Variants in SAMD11 observed in about 807,000 individuals in gnomAD.
SAMD11 encodes sterile alpha motif domain containing 11, also known as sterile alpha motif domain-containing protein 11.
In SAMD11, 77 loss-of-function variants were observed where a neutral mutation model predicts 64.4. The ratio of observed to expected loss-of-function variants is 1.20; its 90% CI spans 0.99 to 1.44. The LOEUF (loss-of-function observed/expected upper bound fraction) is 1.44. SAMD11 is among the 40% of genes most tolerant of loss of function. The pLI, the probability that SAMD11 is intolerant of heterozygous loss-of-function variation, is 0.00. For missense variants in SAMD11, 1,402 were observed against 943.3 expected (o/e 1.49, Z -6.37); for synonymous variants, 658 against 421.9 (o/e 1.56, Z -6.86).
chr1:931,142 C>CTCCT (rs1641150462), intron 4 of SAMD11, 53 bp downstream of exon 4: 2 of 1,417,164 alleles, frequency 1.4e-6, no homozygotes, highest in South Asian at 1.2e-5. Context: ...CCCTCCCTCC[C>CTCCT]TCCCACCCCT....
Position 942,734 on chromosome 1 carries a change from G to A in SAMD11, c.1729G>A (p.Gly577Arg). 6.8e-7 allele frequency: 1 copy of A among 1,474,832 alleles called. No homozygotes were observed. The highest frequency in any genetic ancestry group is 8.9e-7 in the Non-Finnish European group (1 of 1,122,386). The allele number at this position is 1,474,832 out of a possible 1,614,324, so 91.4% of individuals were successfully genotyped here. Reference protein sequence around the residue: ...AAPLLALPPQGPPGSGPPTPS... With the variant: ...AAPLLALPPQRPPGSGPPTPS... The stretch of plus-strand genomic sequence containing the variant: ...GCCACTGCTGGCCCTGCCCCCCCAG[G>A]GGCCCCCGGGCTCCGGACCCCCCAC... Residue 577 changes from glycine to arginine, a missense_variant, in exon 11 of 14, where the codon GGG (glycine) becomes AGG (arginine). Gly to Arg is a moderately radical substitution (Grantham distance 125). Transcript: ENST00000616016.
At chr1:928,159 C>A (rs564895267) in intron 2 of SAMD11, among the ~76,000 whole-genome samples, 16 of 151,452 alleles carry the variant, frequency 1.1e-4, no homozygotes, top group African/African-American at 3.6e-4. Flanking sequence ...TTTGGGAGGC[C>A]GAGGCGGGCG....
chr1:930,440 C>T, intron 3 of SAMD11, 104 bp downstream of exon 3: 2 of 1,267,996 alleles, frequency 1.6e-6, no homozygotes, highest in Non-Finnish European at 2.2e-6. Context: ...CCTCCCACAC[C>T]TTCCCTCAGA....
intron 5 of SAMD11, among the ~76,000 whole-genome samples, 186 bp from the exon 6 acceptor site, chr1:938,854 G>T (rs1412865962): frequency 6.6e-6 from 1 of 152,150 alleles, no homozygotes; most frequent in East Asian, 1.9e-4. Context: ...CCCCTGTCCC[G>T]CCACAGCCAG....
intron 2 of SAMD11, among the ~76,000 whole-genome samples, chr1:927,324 G>A (rs973852026): frequency 3.9e-5 from 6 of 152,164 alleles, no homozygotes; most frequent in Non-Finnish European, 8.8e-5. Context: ...GGATTTGAGC[G>A]GCCCCCTTGA....
Position 930,353 on chromosome 1 carries a change from C to A in SAMD11, c.791+17C>A. The stretch of plus-strand genomic sequence containing the variant: ...GAAGAGAAGGTACTTGGACCAGGGC[C>A]GGACAGGAAGGCGCAAGGCTCAGAT... On this transcript the variant is annotated intron_variant, in intron 3 of 13. Coordinates refer to ENST00000616016, the MANE Select transcript of SAMD11 (RefSeq NM_001385641.1). 6.3e-7 allele frequency: 1 copy of A among 1,587,970 alleles called. No homozygotes were observed. The highest frequency in any genetic ancestry group is 1.1e-5 in the South Asian group (1 of 87,422).
chr1:927,019 C>A (rs1569860905), intron 2 of SAMD11, among the ~76,000 whole-genome samples: 2 of 152,292 alleles, frequency 1.3e-5, no homozygotes, highest in East Asian at 1.9e-4. Context: ...AGCTGGGCGG[C>A]TGCAGACACA....
chr1:925,690 G>A (rs1315997787), intron 1 of SAMD11: 4 of 473,008 alleles, frequency 8.5e-6, no homozygotes, highest in Non-Finnish European at 1.5e-5. Context: ...GGGACGCCCA[G>A]GCCCTTCGTC....
intron 12 of SAMD11, 104 bp downstream of exon 12, chr1:943,481 C>A: frequency 8.9e-7 from 1 of 1,122,830 alleles, no homozygotes; most frequent in Non-Finnish European, 1.3e-6. Context: ...CGCCCTCTCC[C>A]TCCCCAAAAG....
At chr1:926,071 T>C (rs1394768997) in intron 2 of SAMD11, 58 bp downstream of exon 2, 1 of 1,545,192 alleles carries the variant, frequency 6.5e-7, no homozygotes, top group Admixed American at 1.7e-5. Flanking sequence ...AGCTTGTCCC[T>C]GCGGTTTTCA....
intron 7 of SAMD11, chr1:940,451 C>G (rs1049320921): frequency 6.6e-6 from 1 of 152,056 alleles, no homozygotes; most frequent in South Asian, 2.1e-4. Flanking sequence ...CGGGACCCAC[C>G]TCCGCTTTCG....
chr1:939,342 G>A lies in SAMD11; in HGVS notation c.1125G>A (p.Val375=). 1 of 1,612,262 alleles carries A rather than the reference G, an allele frequency of 6.2e-7. No individual in the cohort carries two copies. Among genetic ancestry groups the A allele is most frequent in the Non-Finnish European group, 8.5e-7 (1 of 1,179,808 alleles). The change falls in exon 7 of 14, where the codon GTG becomes GTA. Residue 375 remains valine (V), a synonymous_variant. Transcript: ENST00000616016. ...MAPEDHYRRL[V]SALSEASTFE... is the part of the protein sequence containing the mutation. ...CGGAGGACCATTACCGCCGGCTTGTGTCAGCACTGAGCGAGGCCAGCACCT... is the reference window on the plus strand; with the variant it reads ...CGGAGGACCATTACCGCCGGCTTGTATCAGCACTGAGCGAGGCCAGCACCT...
chr1:930,145 G>A lies in SAMD11; in HGVS notation c.610-10G>A, dbSNP rs777473563. The A allele has an allele frequency of 1.3e-6, 2 of 1,552,408 alleles. No individual in the cohort carries two copies. Among genetic ancestry groups the A allele is most frequent in the Non-Finnish European group, 1.7e-6 (2 of 1,147,820 alleles). ...TCCTGCCCCACCTTCCTCTCCTCCT[G>A]CCCCACCAGAACCGGGGGCGGCTGG... is the stretch of plus-strand genomic sequence containing the variant. On this transcript the variant is annotated splice_polypyrimidine_tract_variant and intron_variant, in intron 2 of 13. Coordinates refer to ENST00000616016, the MANE Select transcript of SAMD11 (RefSeq NM_001385641.1).
In SAMD11 at chr1:944,456, C is replaced by G; in HGVS notation, c.*303C>G. ...GTCTGCTGACGTCAGGGTCAGCTCC[C>G]CCGCGGAGCTGACTTCAGCAGCCCA... On this transcript the variant is annotated 3_prime_UTR_variant, in exon 14 of 14. Coordinates refer to ENST00000616016, the MANE Select transcript of SAMD11 (RefSeq NM_001385641.1). 1 of 841,226 alleles carries G rather than the reference C, an allele frequency of 1.2e-6. No homozygotes were observed. Among genetic ancestry groups the G allele is most frequent in the Non-Finnish European group, 1.7e-6 (1 of 582,316 alleles). 52.1% of individuals were successfully genotyped at this position (841,226 alleles called of 1,614,324 possible).
chr1:927,565 C>A (rs1395101502), intron 2 of SAMD11, among the ~76,000 whole-genome samples: 2 of 152,238 alleles, frequency 1.3e-5, no homozygotes, highest in Non-Finnish European at 2.9e-5. Context: ...ACTCCAGGGG[C>A]CCCTTCTTTC....
intron 4 of SAMD11, among the ~76,000 whole-genome samples, chr1:934,997 C>T (rs1404704113): frequency 6.6e-6 from 1 of 151,850 alleles, no homozygotes; most frequent in Non-Finnish European, 1.5e-5. Flanking sequence ...GGAGTGGCGC[C>T]TGGACCCTGA....
intron 4 of SAMD11, among the ~76,000 whole-genome samples, chr1:932,743 C>G (rs979598093): frequency 3.3e-5 from 5 of 152,266 alleles, no homozygotes. Context: ...GTCTGTCCTT[C>G]CATCCCCTTC....
chr1:942,407 C>T lies in SAMD11; in HGVS notation c.1475-3C>T, dbSNP rs746555458. 2.4e-5 allele frequency: 36 copies of T among 1,471,488 alleles called. No homozygotes were observed. Among genetic ancestry groups the T allele is most frequent in the Non-Finnish European group, 3.1e-5 (35 of 1,116,802 alleles). 91.2% of individuals were successfully genotyped at this position (1,471,488 alleles called of 1,614,324 possible). Reference sequence around the variant, plus strand: ...GACCCCGCGTTGTCCCCCTCCCCACCAGGCTACGGCTTCCTGCCCCCCGCG... The same window carrying T: ...GACCCCGCGTTGTCCCCCTCCCCACTAGGCTACGGCTTCCTGCCCCCCGCG... On this transcript the variant is annotated splice_region_variant and splice_polypyrimidine_tract_variant and intron_variant, in intron 9 of 13. Transcript: ENST00000616016.
At chr1:930,912 G>A (rs370754665) in intron 3 of SAMD11, 127 bp from the exon 4 acceptor site, 26 of 910,310 alleles carry the variant, frequency 2.9e-5, no homozygotes, top group South Asian at 2.5e-4. Context: ...AGCCGCCCTC[G>A]TTCACTGCCC....
Sources: gnomAD v4.1 joint callset for allele counts (sites outside exome capture counted in the v4.1 genomes callset) on GRCh38, gnomAD v4.1.1 for gene constraint, MANE v1.5 for transcripts, NCBI Gene and HGNC (gene_info 2026-07-23, HGNC 2026-07-21) for gene names.